FAM8A1: variants seen among roughly 807,000 people sequenced by gnomAD.
The protein encoded by FAM8A1 is family with sequence similarity 8 member A1, also known as protein FAM8A1.
A neutral mutation model predicts 38.3 loss-of-function variants in FAM8A1; 18 were observed. That is an observed-to-expected ratio of 0.47 (90% CI 0.33 to 0.70). The LOEUF is 0.70. Ranked by LOEUF, FAM8A1 falls within the 30% of genes least tolerant of loss-of-function variation. The pLI is 0.03. For missense variants in FAM8A1, 559 were observed against 559.6 expected (o/e 1.00, Z 0.01); for synonymous variants, 246 against 234.4 (o/e 1.05, Z -0.45).
chr6:17,600,788 G>A lies in FAM8A1; in HGVS notation c.379G>A (p.Gly127Ser). 2 of 1,611,234 alleles carry A rather than the reference G, an allele frequency of 1.2e-6. No individual in the cohort carries two copies. The change falls in exon 1 of 5, where the codon GGC (glycine) becomes AGC (serine). Residue 127 changes from glycine (G) to serine (S), a missense_variant. By Grantham distance (56) the Gly-to-Ser change is moderately conservative (BLOSUM62 0). This residue lies in a region of FAM8A1 where 393 missense variants were observed against 338.9 expected (regional missense o/e 1.16). Transcript: ENST00000259963. ...CGAGTGGCTGTGGCAGTCCTACTGC[G>A]GCTACCTCACCTGGCACAGCGGCCT... ...VHEWLWQSYC[G>S]YLTWHSGLAA... is the part of the protein sequence containing the mutation.
At position 17,610,086 on chromosome 6, in the gene FAM8A1, A is replaced by C. The variant is rs1764118046; in HGVS notation, c.*1747A>C. 6.6e-6 allele frequency: 1 copy of C among 152,142 alleles called. No individual in the cohort carries two copies. Among genetic ancestry groups the C allele is most frequent in the Non-Finnish European group, 1.5e-5 (1 of 67,998 alleles). The allele number at this position is 152,142 out of a possible 1,614,324, so 9.4% of individuals were successfully genotyped here. A position where few individuals can be genotyped will look rare whatever the true frequency, so the allele number is the denominator to read the frequency against. On this transcript the variant is annotated 3_prime_UTR_variant, in exon 5 of 5. Transcript: ENST00000259963. ...ACTGCCCTTCACAGTGAAAAAAAGAAAAATCTTTCATTTTTAAAATTAGGA... is the reference window on the plus strand; with the variant it reads ...ACTGCCCTTCACAGTGAAAAAAAGACAAATCTTTCATTTTTAAAATTAGGA...
Position 17,600,307 on chromosome 6 carries a change from C to T in FAM8A1, c.-103C>T, listed in dbSNP as rs573134738. ...TCCGCTTCCGGCGGGGGATTGTTGA[C>T]GCCTGCGGTTGCTGCGGTGGTGACG... is the stretch of plus-strand genomic sequence containing the variant. On this transcript the variant is annotated 5_prime_UTR_variant, in exon 1 of 5. It adds an upstream start codon to the 5' untranslated region. Coordinates refer to ENST00000259963, the MANE Select transcript of FAM8A1 (RefSeq NM_016255.3). 5.5e-6 allele frequency: 7 copies of T among 1,262,778 alleles called. No individual in the cohort carries two copies. The highest frequency in any genetic ancestry group is 4.7e-5 in the African/African-American group (3 of 64,212). 78.2% of individuals were successfully genotyped at this position (1,262,778 alleles called of 1,614,324 possible). A position where few individuals can be genotyped will look rare whatever the true frequency, so the allele number is the denominator to read the frequency against.
Position 17,600,313 on chromosome 6 carries a change from C to T in FAM8A1, c.-97C>T, listed in dbSNP as rs1763960268. ...TCCGGCGGGGGATTGTTGACGCCTG[C>T]GGTTGCTGCGGTGGTGACGGGGCTG... is the stretch of plus-strand genomic sequence containing the variant. On this transcript the variant is annotated 5_prime_UTR_variant, in exon 1 of 5. Transcript: ENST00000259963. 7 of 1,267,850 alleles carry T rather than the reference C, an allele frequency of 5.5e-6. No individual in the cohort carries two copies. The highest frequency in any genetic ancestry group is 1.6e-5 in the African/African-American group (1 of 64,082). The allele number at this position is 1,267,850 out of a possible 1,614,324, so 78.5% of individuals were successfully genotyped here.
rs1455072076 is a variant in FAM8A1, at chr6:17,605,882, C to T, written c.966C>T (p.Cys322=). The part of the protein sequence containing the change: ...RLLVCFYEII[C]IWGAGGATPG... The stretch of plus-strand genomic sequence containing the variant: ...CATCCTTCTTTCCTTAGATAATTTG[C>T]ATTTGGGGAGCAGGTGGAGCTACCC... Residue 322 remains cysteine (C), a synonymous_variant, in exon 4 of 5, where the codon TGC becomes TGT. Transcript: ENST00000259963. 2 of 1,516,174 alleles carry T rather than the reference C, an allele frequency of 1.3e-6. No individual in the cohort carries two copies. The highest frequency in any genetic ancestry group is 8.9e-7 in the Non-Finnish European group (1 of 1,122,500). The allele number at this position is 1,516,174 out of a possible 1,614,324, so 93.9% of individuals were successfully genotyped here. A position where few individuals can be genotyped will look rare whatever the true frequency, so the allele number is the denominator to read the frequency against.
In FAM8A1 at chr6:17,600,762, A is replaced by C; in HGVS notation, c.353A>C (p.His118Pro). 1 of 1,611,014 alleles carries C rather than the reference A, an allele frequency of 6.2e-7. No individual in the cohort carries two copies. Among genetic ancestry groups the C allele is most frequent in the Non-Finnish European group, 8.5e-7 (1 of 1,179,670 alleles). ...LSAREYSRQV[H>P]EWLWQSYCGY... ...GCCCGCGAGTACTCCCGGCAAGTGCACGAGTGGCTGTGGCAGTCCTACTGC... is the reference window on the plus strand; with the variant it reads ...GCCCGCGAGTACTCCCGGCAAGTGCCCGAGTGGCTGTGGCAGTCCTACTGC... Residue 118 changes from histidine to proline, a missense_variant, in exon 1 of 5, where the codon CAC becomes CCC. By Grantham distance (77) the His-to-Pro change is moderately conservative. Around this residue, in one of 2 missense-constraint regions of FAM8A1, gnomAD observed 393 missense variants for 338.9 expected, o/e 1.16. Transcript: ENST00000259963.
At position 17,600,663 on chromosome 6, in the gene FAM8A1, C is replaced by T. The variant is rs760177377; in HGVS notation, c.254C>T (p.Ala85Val). The T allele has an allele frequency of 1.3e-6, 2 of 1,583,382 alleles. No homozygotes were observed. Among genetic ancestry groups the T allele is most frequent in the Admixed American group, 1.7e-5 (1 of 57,188 alleles). Reference sequence around the variant, plus strand: ...GGGGAGGCGGCCTCCGGCTCCGGTGCAGAGCTGCAGGAGCAGGCGGGCTGC... The same window carrying T: ...GGGGAGGCGGCCTCCGGCTCCGGTGTAGAGCTGCAGGAGCAGGCGGGCTGC... ...KRGEAASGSG[A>V]ELQEQAGCEA... Residue 85 changes from alanine (A) to valine (V), a missense_variant, in exon 1 of 5, where the codon GCA (alanine) becomes GTA (valine). Coordinates refer to ENST00000259963, the MANE Select transcript of FAM8A1 (RefSeq NM_016255.3).
intron 3 of FAM8A1, 91 bp downstream of exon 3, chr6:17,605,120 A>C (rs542861549): frequency 8.3e-7 from 1 of 1,198,598 alleles, no homozygotes; most frequent in African/African-American, 1.6e-5. Flanking sequence ...TCGCTCTGTC[A>C]CCCAGGCTGG....
chr6:17,600,583 C>G lies in FAM8A1; in HGVS notation c.174C>G (p.Leu58=), dbSNP rs771334260. 6.7e-7 allele frequency: 1 copy of G among 1,491,094 alleles called. No individual in the cohort carries two copies. Among genetic ancestry groups the G allele is most frequent in the Non-Finnish European group, 8.9e-7 (1 of 1,125,348 alleles). 92.4% of individuals were successfully genotyped at this position (1,491,094 alleles called of 1,614,324 possible). The change falls in exon 1 of 5, where the codon CTC becomes CTG. Residue 58 remains leucine, a synonymous_variant. Transcript: ENST00000259963. ...CGGGCCGGCCCACAGCCCCGGGCCT[C>G]GCGGCTGCCGCCGCAGCCGACAAAT... The part of the protein sequence containing the change: ...QAPGRPTAPG[L]AAAAAADKLE...
rs1222084866 is a variant in FAM8A1, at chr6:17,610,224, T to G, written c.*1885T>G. The G allele has an allele frequency of 6.6e-6, 1 of 152,212 alleles. No homozygotes were observed. Among genetic ancestry groups the G allele is most frequent in the Non-Finnish European group, 1.5e-5 (1 of 68,016 alleles). The allele number at this position is 152,212 out of a possible 1,614,324, so 9.4% of individuals were successfully genotyped here. A position where few individuals can be genotyped will look rare whatever the true frequency, so the allele number is the denominator to read the frequency against. On this transcript the variant is annotated 3_prime_UTR_variant, in exon 5 of 5. Transcript: ENST00000259963. ...GTCCCTCAATCATATAGGTCTGGAA[T>G]ACATCTTTCATTCATAATTTCTGCT...
At position 17,600,484 on chromosome 6, in the gene FAM8A1, C is replaced by T. The variant is rs770374989; in HGVS notation, c.75C>T (p.Val25=). 14 of 1,527,356 alleles carry T rather than the reference C, an allele frequency of 9.2e-6. No homozygotes were observed. The highest frequency in any genetic ancestry group is 1.1e-5 in the Non-Finnish European group (12 of 1,141,428). 94.6% of individuals were successfully genotyped at this position (1,527,356 alleles called of 1,614,324 possible). Residue 25 remains valine (V), a synonymous_variant, in exon 1 of 5, where the codon GTC becomes GTT. Transcript: ENST00000259963. ...ATGGCGGAGGGGACCACGAGCCCGT[C>T]CCTTCCCTGAGAGGCCCTCCTACCA... ...QDDGGGDHEP[V]PSLRGPPTTA...
At chr6:17,601,603 A>T in intron 1 of FAM8A1, among the ~76,000 whole-genome samples, 1 of 152,238 alleles carries the variant, frequency 6.6e-6, no homozygotes, top group East Asian at 1.9e-4. Flanking sequence ...TCAAAGCTTC[A>T]CTTCATTTGA....
Position 17,601,055 on chromosome 6 carries a change from A to T in FAM8A1, c.646A>T (p.Thr216Ser). Residue 216 changes from threonine (T) to serine (S), a missense_variant, in exon 1 of 5, where the codon ACT (threonine) becomes TCT (serine). Around this residue, in one of 2 missense-constraint regions of FAM8A1, gnomAD observed 393 missense variants for 338.9 expected, o/e 1.16. Transcript: ENST00000259963. ...APHVQASVRA[T>S]PVTRVGSAAP... is the part of the protein sequence containing the mutation. ...TCACGTGCAGGCGTCGGTCCGGGCC[A>T]CTCCAGTGACGAGGGTAGGATCCGC... 3.8e-6 allele frequency: 6 copies of T among 1,596,546 alleles called. No individual in the cohort carries two copies. The highest frequency in any genetic ancestry group is 5.1e-6 in the Non-Finnish European group (6 of 1,174,326).
At chr6:17,606,459 CAA>C (rs1764054835) in intron 4 of FAM8A1, among the ~76,000 whole-genome samples, 1 of 152,180 alleles carries the variant, frequency 6.6e-6, no homozygotes, top group African/African-American at 2.4e-5. Flanking sequence ...CTCCGCCTCT[CAA>C]AGTGTTGGGA....
Position 17,603,051 on chromosome 6 carries a change from G to T in FAM8A1, c.833+341G>T, listed in dbSNP as rs74815833. 9.1e-4 allele frequency among the ~76,000 whole-genome samples: 138 copies of T among 152,224 alleles called. 3 individuals carry two copies. In the East Asian group the frequency reaches 0.016, roughly 17 times the overall value. ...ATCCTGTTCCCTCTTGCTATCTTGT[G>T]GAGTCTCTAAAGACAAAGGTATAAA... is the stretch of plus-strand genomic sequence containing the variant. On this transcript the variant is annotated intron_variant, in intron 2 of 4. Transcript: ENST00000259963.
chr6:17,606,156 C>A, intron 4 of FAM8A1, 143 bp downstream of exon 4: 5 of 483,556 alleles, frequency 1.0e-5, no homozygotes, highest in Non-Finnish European at 1.7e-5. Context: ...AGTTGTGTTA[C>A]ATGATTGTAG....
intron 3 of FAM8A1, 117 bp from the exon 4 acceptor site, chr6:17,605,757 C>A: frequency 1.0e-6 from 1 of 985,172 alleles, no homozygotes; most frequent in Non-Finnish European, 1.4e-6. Context: ...TTTGAGTATT[C>A]TATGCAATTC....
chr6:17,606,730 G>T (rs533541837), intron 4 of FAM8A1, among the ~76,000 whole-genome samples: 53 of 152,226 alleles, frequency 3.5e-4, no homozygotes, highest in Non-Finnish European at 5.7e-4. Flanking sequence ...CTGCTGTTAG[G>T]TGAGAGCTTG....
chr6:17,605,282 T>C (rs545082453), intron 3 of FAM8A1, among the ~76,000 whole-genome samples: 229 of 152,280 alleles, frequency 1.5e-3, no homozygotes, highest in African/African-American at 5.3e-3. Flanking sequence ...GGTTTTGCCA[T>C]GTAGGCCAGG....
At chr6:17,607,228 C>CAACCTGGG (rs1010372268) in intron 4 of FAM8A1, among the ~76,000 whole-genome samples, 13 of 132,930 alleles carry the variant, frequency 9.8e-5, no homozygotes, top group Admixed American at 3.3e-4. Flanking sequence ...CACTGCACTC[C>CAACCTGGG]AACCTGGGCG....
Sources: allele counts gnomAD v4.1 joint callset (sites outside exome capture counted in the v4.1 genomes callset), GRCh38; gene constraint gnomAD v4.1.1; regional missense constraint gnomAD v4.1.1; transcripts MANE v1.5; gene names NCBI Gene and HGNC (gene_info 2026-07-23, HGNC 2026-07-21).